The following ORC5 variants were observed in gnomAD, a reference collection of about 807,000 sequenced individuals.
ORC5 encodes protein phosphatase 1, regulatory subunit 117.
ORC5 carries 39 observed loss-of-function variants against 58.8 expected under a neutral mutation model. The observed-to-expected ratio is 0.66, with a 90% confidence interval of 0.51 to 0.87. The LOEUF (loss-of-function observed/expected upper bound fraction) is 0.87, where lower values mean the gene tolerates loss of function less well. Among genes scored for constraint, ORC5 ranks in the 40% least tolerant of loss-of-function variants. The pLI is 0.00. For synonymous variants in ORC5, 218 were observed against 177.6 expected, an observed-to-expected ratio of 1.23 and a Z score of -1.81; for missense variants, 493 against 506.3, an observed-to-expected ratio of 0.97 and a Z score of 0.25.
At chr7:104,149,050 A>G (rs1010476468) in intron 12 of ORC5, among the ~76,000 whole-genome samples, 1 of 142,076 alleles carries the variant, frequency 7.0e-6, no homozygotes, top group Admixed American at 7.0e-5. Context: ...AAAAAAAAAA[A>G]GTAAATTTAA....
intron 4 of ORC5, among the ~76,000 whole-genome samples, chr7:104,196,013 C>G (rs1799792866): frequency 6.6e-6 from 1 of 152,164 alleles, no homozygotes; most frequent in South Asian, 2.1e-4. Flanking sequence ...CCAGATTTCT[C>G]TTAAATGAAA....
intron 13 of ORC5, among the ~76,000 whole-genome samples, chr7:104,134,220 C>G (rs1166626969): frequency 6.6e-6 from 1 of 151,748 alleles, no homozygotes; most frequent in East Asian, 1.9e-4. Context: ...GTCAGGAGTT[C>G]AAGACCAGCC....
At chr7:104,161,342 A>T (rs1799018981) in intron 11 of ORC5, among the ~76,000 whole-genome samples, 160 bp from the exon 12 acceptor site, 1 of 152,162 alleles carries the variant, frequency 6.6e-6, no homozygotes, top group African/African-American at 2.4e-5. Context: ...AGTTTAACTG[A>T]TATGATCATG....
intron 11 of ORC5, among the ~76,000 whole-genome samples, chr7:104,164,991 C>T (rs1001563479): frequency 6.6e-6 from 1 of 152,104 alleles, no homozygotes; most frequent in Non-Finnish European, 1.5e-5. Context: ...CCAGGGTAAA[C>T]TTCTTCATCT....
At chr7:104,151,748 T>C (rs1480947489) in intron 12 of ORC5, among the ~76,000 whole-genome samples, 3 of 152,100 alleles carry the variant, frequency 2.0e-5, no homozygotes, top group Admixed American at 2.0e-4. Context: ...GAACTAGAAA[T>C]ATGTATTTCA....
chr7:104,183,065 G>A (rs1365240553), intron 8 of ORC5, among the ~76,000 whole-genome samples: 1 of 152,152 alleles, frequency 6.6e-6, no homozygotes, highest in Non-Finnish European at 1.5e-5. Flanking sequence ...AACCCAGGAG[G>A]CAGAGGTTGC....
intron 12 of ORC5, among the ~76,000 whole-genome samples, chr7:104,143,191 T>C (rs1028785024): frequency 6.6e-5 from 10 of 152,178 alleles, no homozygotes; most frequent in Non-Finnish European, 1.3e-4. Flanking sequence ...TTAATTACCC[T>C]GTACTTTGCC....
rs368807411 is a variant in ORC5 at position 104,142,224 on chromosome 7, T to C, written c.1150-5331A>G. Among the ~76,000 whole-genome samples, 5 of 152,092 alleles carry C rather than the reference T, an allele frequency of 3.3e-5. No individual in the cohort carries two copies. In the East Asian group the frequency reaches 9.6e-4, roughly 29 times the overall value. On this transcript the variant is annotated intron_variant, in intron 12 of 13. Transcript: ENST00000297431. ...AAAACTGAACTCTCATCTTACACCA[T>C]ACACAAAAATTAATTCAAATGGACT...
At chr7:104,200,153 T>A (rs1458540976) in intron 3 of ORC5, among the ~76,000 whole-genome samples, 6 of 152,226 alleles carry the variant, frequency 3.9e-5, no homozygotes, top group Non-Finnish European at 7.3e-5. Context: ...TCTTATCCAA[T>A]TCCAAAGATG....
At chr7:104,148,284 A>G (rs1395602448) in intron 12 of ORC5, among the ~76,000 whole-genome samples, 3 of 152,236 alleles carry the variant, frequency 2.0e-5, no homozygotes, top group African/African-American at 4.8e-5. Flanking sequence ...TCCAAAGCCC[A>G]TATTCCTTAT....
intron 9 of ORC5, chr7:104,168,075 T>C (rs773297933): frequency 1.1e-4 from 19 of 180,246 alleles, no homozygotes; most frequent in Admixed American, 2.5e-4. Flanking sequence ...CACAATGTTT[T>C]CAAAACATAA....
In ORC5 at chr7:104,183,961, T is replaced by C; in HGVS notation, c.806A>G (p.Tyr269Cys). Residue 269 changes from tyrosine (Y) to cysteine (C), a missense_variant, in exon 8 of 14, where the codon TAT becomes TGT. By Grantham distance (194) the Tyr-to-Cys change is radical. Transcript: ENST00000297431. ...AAATTACCTTGATATTTCCCTGAGA[T>C]AAACAGTCTGCATAGCTTTCTTCAA... Reference protein sequence around the residue: ...PHLKKAMQTVYLREISSSQWE... With the variant: ...PHLKKAMQTVCLREISSSQWE... 4 of 1,611,248 alleles carry C rather than the reference T, an allele frequency of 2.5e-6. No homozygotes were observed. Among genetic ancestry groups the C allele is most frequent in the South Asian group, 1.1e-5 (1 of 90,496 alleles).
At chr7:104,195,674 A>T (rs1799784717) in intron 4 of ORC5, among the ~76,000 whole-genome samples, 1 of 152,218 alleles carries the variant, frequency 6.6e-6, no homozygotes, top group South Asian at 2.1e-4. Context: ...TATAGGCATT[A>T]GCCATCATAT....
At chr7:104,141,042 C>T (rs1199380351) in intron 12 of ORC5, among the ~76,000 whole-genome samples, 2 of 152,130 alleles carry the variant, frequency 1.3e-5, no homozygotes, top group Admixed American at 1.3e-4. Context: ...AATTAAATCT[C>T]CTAACTCCAA....
At chr7:104,171,171 T>C (rs976862691) in intron 8 of ORC5, among the ~76,000 whole-genome samples, 1 of 152,242 alleles carries the variant, frequency 6.6e-6, no homozygotes, top group Non-Finnish European at 1.5e-5. Context: ...TAAACAAACC[T>C]AAACCAAGTA....
chr7:104,144,614 G>A (rs1385800232), intron 12 of ORC5, among the ~76,000 whole-genome samples: 5 of 152,114 alleles, frequency 3.3e-5, no homozygotes, highest in Admixed American at 1.3e-4. Flanking sequence ...AAAATTAGCC[G>A]GTCGTGATGG....
intron 8 of ORC5, among the ~76,000 whole-genome samples, chr7:104,175,598 AAAG>A (rs1488943944): frequency 1.3e-5 from 2 of 152,242 alleles, no homozygotes; most frequent in Non-Finnish European, 2.9e-5. Flanking sequence ...TTCTAAAAGA[AAAG>A]AAGAGATCAA....
At chr7:104,181,747 G>A (rs1359548669) in intron 8 of ORC5, among the ~76,000 whole-genome samples, 7 of 149,848 alleles carry the variant, frequency 4.7e-5, no homozygotes, top group Non-Finnish European at 8.9e-5. Flanking sequence ...AGCCGAGATC[G>A]CGCCACTGCA....
intron 12 of ORC5, among the ~76,000 whole-genome samples, chr7:104,140,291 TTTTC>T (rs1184628144): frequency 1.3e-5 from 2 of 152,226 alleles, no homozygotes; most frequent in African/African-American, 4.8e-5. Flanking sequence ...TTTCTAAAAT[TTTTC>T]TTTCTACTGT....
Sources: gnomAD v4.1 joint callset for allele counts (sites outside exome capture counted in the v4.1 genomes callset) on GRCh38, gnomAD v4.1.1 for gene constraint, MANE v1.5 for transcripts, NCBI Gene and HGNC (gene_info 2026-07-23, HGNC 2026-07-21) for gene names.